ARHGAP36: variants seen among roughly 807,000 people sequenced by gnomAD.
The protein encoded by ARHGAP36 is rho GTPase-activating protein 36.
In ARHGAP36, 7 loss-of-function variants were observed where a neutral mutation model predicts 32.9. The observed-to-expected ratio is 0.21, with a 90% CI of 0.12 to 0.40. The LOEUF (loss-of-function observed/expected upper bound fraction) is 0.40, where lower values mean the gene tolerates loss of function less well. Ranked by LOEUF, ARHGAP36 falls within the 10% of genes least tolerant of loss-of-function variation. The pLI is 1.00. For missense variants in ARHGAP36, 383 were observed against 442.2 expected (o/e 0.87, Z 1.20); for synonymous variants, 165 against 168.3 (o/e 0.98, Z 0.15).
intron 1 of ARHGAP36, among the ~76,000 whole-genome samples, chrX:131,060,565 G>A (rs967692094): frequency 1.8e-5 from 2 of 112,526 alleles, no homozygotes; most frequent in African/African-American, 6.5e-5. Flanking sequence ...TTCAACGAAA[G>A]CTACTCTTTT....
intron 1 of ARHGAP36, among the ~76,000 whole-genome samples, chrX:131,066,031 G>T (rs1471770277): frequency 1.8e-5 from 2 of 111,048 alleles, no homozygotes; most frequent in Non-Finnish European, 3.8e-5. Flanking sequence ...ATGACATCAT[G>T]CCCCCCCATA....
chrX:131,068,033 C>A (rs1403928489), intron 1 of ARHGAP36, among the ~76,000 whole-genome samples: 1 of 111,850 alleles, frequency 8.9e-6, no homozygotes, highest in African/African-American at 3.3e-5. Context: ...CACACACCCA[C>A]CTTCAAACCG....
At chrX:131,070,779 T>G (rs1235839700) in intron 1 of ARHGAP36, among the ~76,000 whole-genome samples, 1 of 109,480 alleles carries the variant, frequency 9.1e-6, no homozygotes, top group Non-Finnish European at 1.9e-5. Context: ...TGTATGTATG[T>G]TACCAGGCAA....
chrX:131,068,553 GA>G (rs1294349507), intron 1 of ARHGAP36, among the ~76,000 whole-genome samples: 2 of 110,727 alleles, frequency 1.8e-5, no homozygotes, highest in Non-Finnish European at 3.8e-5. Flanking sequence ...GCGCACTGTC[GA>G]CCCCGCCGGA....
At chrX:131,087,035 T>C (rs192046123) in intron 11 of ARHGAP36, among the ~76,000 whole-genome samples, 1 of 111,495 alleles carries the variant, frequency 9.0e-6, no homozygotes, top group Non-Finnish European at 1.9e-5. Flanking sequence ...TTTGAAGAAA[T>C]TCCATATTTT....
At chrX:131,064,518 C>T (rs1340639583) in intron 1 of ARHGAP36, among the ~76,000 whole-genome samples, 1 of 112,010 alleles carries the variant, frequency 8.9e-6, no homozygotes, top group Non-Finnish European at 1.9e-5. Flanking sequence ...TTTTCTTAAA[C>T]ATTTACTGTA....
At chrX:131,087,706 C>A (rs1246681769) in intron 11 of ARHGAP36, among the ~76,000 whole-genome samples, 1 of 111,708 alleles carries the variant, frequency 9.0e-6, no homozygotes, top group East Asian at 2.8e-4. Context: ...ATGAAGAATC[C>A]TCAGATGTGA....
At chrX:131,071,048 C>A (rs1328142159) in intron 1 of ARHGAP36, among the ~76,000 whole-genome samples, 1 of 111,080 alleles carries the variant, frequency 9.0e-6, no homozygotes, top group African/African-American at 3.3e-5. Flanking sequence ...TGTGTTTTAT[C>A]ACAGTGGAGG....
intron 6 of ARHGAP36, 75 bp from the exon 7 acceptor site, chrX:131,084,839 G>A: frequency 8.4e-7 from 1 of 1,185,691 alleles, no homozygotes; most frequent in Non-Finnish European, 1.1e-6. Context: ...CTGAATACTG[G>A]AACCTGTTGA....
intron 9 of ARHGAP36, 44 bp from the exon 10 acceptor site, chrX:131,086,285 A>C (rs1301704431): frequency 3.4e-6 from 4 of 1,170,972 alleles, no homozygotes; most frequent in South Asian, 1.8e-5. Context: ...ATAAATGAAA[A>C]GGTGCTGTGT....
At chrX:131,085,126 T>C in intron 7 of ARHGAP36, 62 bp downstream of exon 7, 3 of 1,123,408 alleles carry the variant, frequency 2.7e-6, no homozygotes, top group Admixed American at 2.7e-5. Context: ...TCTAGGGGGT[T>C]CTAGGGACAG....
chrX:131,083,308 G>A, intron 3 of ARHGAP36, 78 bp downstream of exon 3: 1 of 1,002,571 alleles, frequency 1.0e-6, no homozygotes, highest in Non-Finnish European at 1.4e-6. Context: ...GGCTATTGGA[G>A]ACTGGGTGGC....
chrX:131,087,974 A>C (rs1370986083), intron 11 of ARHGAP36, among the ~76,000 whole-genome samples: 4 of 112,234 alleles, frequency 3.6e-5, no homozygotes, highest in African/African-American at 1.3e-4. Flanking sequence ...CTCCATTCTC[A>C]ATACAATTCC....
Position 131,064,187 on chromosome X carries a change from G to C in ARHGAP36, c.-143+5743G>C, listed in dbSNP as rs1251444977. 2.7e-5 allele frequency among the ~76,000 whole-genome samples: 3 copies of C among 111,909 alleles called. No individual in the cohort carries two copies. The Admixed American group carries it at 2.8e-4, about 11-fold the overall frequency. On this transcript the variant is annotated intron_variant, in intron 1 of 11. Transcript: ENST00000276211. ...TGGGTTGGGGCTGGGTCAGCAATTG[G>C]GGTGGAGGGAAGTCTGGACAGTGAG... is the stretch of plus-strand genomic sequence containing the variant.
At position 131,088,712 on chromosome X, in the gene ARHGAP36, A is replaced by T. The variant is rs754784113; in HGVS notation, c.1571A>T (p.Glu524Val). ...GGAGCGGGTAACCCTCCCATTCCGG[A>T]GCAAGACCGCCCATTGCTCCGTGTG... ...EEGAGNPPIPEQDRPLLRVPR... is the reference protein window; with the variant it reads ...EEGAGNPPIPVQDRPLLRVPR... Residue 524 changes from glutamate to valine, a missense_variant, in exon 12 of 12, where the codon GAG becomes GTG. Transcript: ENST00000276211. The T allele has an allele frequency of 5.8e-6, 7 of 1,210,255 alleles. No individual in the cohort carries two copies. The highest frequency in any genetic ancestry group is 2.2e-6 in the Non-Finnish European group (2 of 895,260).
Position 131,058,545 on chromosome X carries a change from C to T in ARHGAP36, c.-143+101C>T, listed in dbSNP as rs1473622423. 15 of 705,553 alleles carry T rather than the reference C, an allele frequency of 2.1e-5. No homozygotes were observed. The East Asian group carries it at 2.2e-4, about 10-fold the overall frequency. The allele number at this position is 705,553 out of a possible 1,213,427, so 58.1% of individuals were successfully genotyped here. A position where few individuals can be genotyped will look rare whatever the true frequency, so the allele number is the denominator to read the frequency against. ...GCCCTGGGGCTTGGCTGGTCGCCCCCTTGCCTCCCTTCCTGCTGGCTTTTA... is the reference window on the plus strand; with the variant it reads ...GCCCTGGGGCTTGGCTGGTCGCCCCTTTGCCTCCCTTCCTGCTGGCTTTTA... On this transcript the variant is annotated intron_variant, in intron 1 of 11. Coordinates refer to ENST00000276211, the MANE Select transcript of ARHGAP36 (RefSeq NM_144967.4).
At chrX:131,088,094 C>G (rs2079845053) in intron 11 of ARHGAP36, among the ~76,000 whole-genome samples, 1 of 112,316 alleles carries the variant, frequency 8.9e-6, no homozygotes, top group South Asian at 3.7e-4. Context: ...AAAGGCAATT[C>G]AGTTTCATAA....
Position 131,081,727 on chromosome X carries a change from C to T in ARHGAP36, c.62C>T (p.Pro21Leu), listed in dbSNP as rs2079800526. ...GCACTGTGCCCCAGAATCATGCCCC[C>T]TTTGCTGTTGTTGTCCGCCTTCATT... ...ARALCPRIMP[P>L]LLLLSAFIFL... The change falls in exon 2 of 12, where the codon CCT (proline) becomes CTT (leucine). Residue 21 changes from proline to leucine, a missense_variant. By Grantham distance (98) the Pro-to-Leu change is moderately conservative. Coordinates refer to ENST00000276211, the MANE Select transcript of ARHGAP36 (RefSeq NM_144967.4). The T allele has an allele frequency of 8.3e-7, 1 of 1,211,880 alleles. No homozygotes were observed.
intron 1 of ARHGAP36, among the ~76,000 whole-genome samples, chrX:131,079,619 C>T (rs762936841): frequency 2.9e-5 from 3 of 105,123 alleles, no homozygotes; most frequent in Non-Finnish European, 5.8e-5. Flanking sequence ...CATGATAAAC[C>T]GTTACTTAAC....
Sources: allele counts gnomAD v4.1 joint callset (sites outside exome capture counted in the v4.1 genomes callset), GRCh38; gene constraint gnomAD v4.1.1; transcripts MANE v1.5; gene names NCBI Gene and HGNC (gene_info 2026-07-23, HGNC 2026-07-21).